Variants in SLC24A2 observed in about 807,000 individuals in gnomAD.
SLC24A2 encodes solute carrier family 24 member 2, also known as sodium/potassium/calcium exchanger 2.
Under a neutral mutation model 62.0 loss-of-function variants are expected in SLC24A2, and 36 were observed. The observed-to-expected ratio is 0.58, with a 90% CI of 0.44 to 0.77. SLC24A2 has a LOEUF of 0.77. Ranked by LOEUF, SLC24A2 falls within the 30% of genes least tolerant of loss-of-function variation. The pLI is 0.00. For missense variants in SLC24A2, 846 were observed against 817.9 expected (o/e 1.03, Z -0.42); for synonymous variants, 358 against 294.0 (o/e 1.22, Z -2.23).
intron 7 of SLC24A2, among the ~76,000 whole-genome samples, chr9:19,563,533 G>A (rs1037814455): frequency 2.6e-5 from 4 of 152,044 alleles, no homozygotes; most frequent in Non-Finnish European, 5.9e-5. Context: ...CCGTATGCTT[G>A]GATAATCTTA....
At chr9:19,550,004 T>C in intron 8 of SLC24A2, 133 bp downstream of exon 8, 1 of 849,668 alleles carries the variant, frequency 1.2e-6, no homozygotes, top group Non-Finnish European at 2.0e-6. Flanking sequence ...GTTGTACCTA[T>C]TTATGGGGTA....
chr9:19,629,623 G>A (rs1818125748), intron 2 of SLC24A2, among the ~76,000 whole-genome samples: 1 of 152,210 alleles, frequency 6.6e-6, no homozygotes, highest in South Asian at 2.1e-4. Flanking sequence ...CATATATCAA[G>A]TTGACTTGTA....
At chr9:19,985,360 A>G in the SLC24A2 span, among the ~76,000 whole-genome samples, 1 of 152,206 alleles carries the variant, frequency 6.6e-6, no homozygotes, top group African/African-American at 2.4e-5. Flanking sequence ...GGGATTGGAT[A>G]AACAAATTAT....
the SLC24A2 span, among the ~76,000 whole-genome samples, chr9:20,215,377 C>G: frequency 6.6e-6 from 1 of 151,780 alleles, no homozygotes; most frequent in Non-Finnish European, 1.5e-5. Context: ...CTCATATTAT[C>G]GAGAACTATG....
At chr9:19,581,356 T>C (rs1836204463) in intron 5 of SLC24A2, among the ~76,000 whole-genome samples, 1 of 152,216 alleles carries the variant, frequency 6.6e-6, no homozygotes, top group East Asian at 1.9e-4. Flanking sequence ...CCTCATCACC[T>C]GCAGGTCCAA....
At chr9:19,935,409 CA>C in the SLC24A2 span, among the ~76,000 whole-genome samples, 1 of 151,624 alleles carries the variant, frequency 6.6e-6, no homozygotes. Flanking sequence ...ACAAACAAAA[CA>C]AAAAAAACCC....
intron 8 of SLC24A2, among the ~76,000 whole-genome samples, chr9:19,545,890 G>A (rs1311237878): frequency 2.0e-5 from 3 of 152,048 alleles, no homozygotes; most frequent in African/African-American, 7.2e-5. Flanking sequence ...GCCCTCCTCG[G>A]CCTCCCAGAG....
At chr9:19,639,114 TCC>T (rs1818429167) in intron 2 of SLC24A2, among the ~76,000 whole-genome samples, 1 of 67,086 alleles carries the variant, frequency 1.5e-5, no homozygotes, top group Non-Finnish European at 3.1e-5. Context: ...AGTGGTTTTT[TCC>T]CCCAACAACA....
chr9:20,132,516 A>G, the SLC24A2 span, among the ~76,000 whole-genome samples: 4 of 152,124 alleles, frequency 2.6e-5, no homozygotes, highest in African/African-American at 9.7e-5. Flanking sequence ...GGGTCACATT[A>G]TAAGTGTTTT....
At chr9:20,078,372 A>G in the SLC24A2 span, among the ~76,000 whole-genome samples, 1 of 144,870 alleles carries the variant, frequency 6.9e-6, no homozygotes, top group African/African-American at 2.6e-5. Context: ...GAATGGCAGC[A>G]TCAGCTGAGA....
chr9:20,276,733 C>T, the SLC24A2 span, among the ~76,000 whole-genome samples: 1 of 152,260 alleles, frequency 6.6e-6, no homozygotes, highest in Non-Finnish European at 1.5e-5. Flanking sequence ...TATTTCCATA[C>T]ATCCTCTGAA....
intron 2 of SLC24A2, among the ~76,000 whole-genome samples, chr9:19,760,754 A>T (rs1188808516): frequency 1.3e-5 from 2 of 151,366 alleles, no homozygotes; most frequent in East Asian, 3.9e-4. Flanking sequence ...CTTTTTTTTA[A>T]TCCAGCCTAA....
the SLC24A2 span, among the ~76,000 whole-genome samples, chr9:20,092,833 C>G: frequency 6.6e-6 from 1 of 152,102 alleles, no homozygotes; most frequent in South Asian, 2.1e-4. Context: ...ATTAGATCCC[C>G]AGAACTTATT....
chr9:19,953,801 T>C, the SLC24A2 span, among the ~76,000 whole-genome samples: 1 of 152,092 alleles, frequency 6.6e-6, no homozygotes, highest in Admixed American at 6.5e-5. Flanking sequence ...TGTTTTACAT[T>C]TATTTTCATG....
At chr9:19,781,401 G>A (rs917287909) in intron 2 of SLC24A2, among the ~76,000 whole-genome samples, 8 of 152,120 alleles carry the variant, frequency 5.3e-5, no homozygotes, top group African/African-American at 1.9e-4. Flanking sequence ...GAGAGATAAT[G>A]GTGACTCCAG....
the SLC24A2 span, among the ~76,000 whole-genome samples, chr9:20,222,836 C>T: frequency 0.46 from 69,436 of 151,774 alleles, 17,596 homozygotes; most frequent in Non-Finnish European, 0.59. Context: ...TCCTTAACAC[C>T]GTAAAACTAC....
chr9:20,192,966 T>C, the SLC24A2 span, among the ~76,000 whole-genome samples: 1 of 152,310 alleles, frequency 6.6e-6, no homozygotes, highest in Admixed American at 6.5e-5. Flanking sequence ...AATTACCCAA[T>C]CTTTTATTTG....
chr9:19,789,989 A>G (rs1388151806), upstream of SLC24A2, among the ~76,000 whole-genome samples: 1 of 152,168 alleles, frequency 6.6e-6, no homozygotes, highest in Non-Finnish European at 1.5e-5. Context: ...ACAGCTCTGT[A>G]GTCAGACCTC....
the SLC24A2 span, among the ~76,000 whole-genome samples, chr9:19,916,987 T>TTG: frequency 2.0e-5 from 3 of 147,164 alleles, no homozygotes; most frequent in Admixed American, 1.4e-4. Flanking sequence ...ACCTGTTTTT[T>TTG]TTTTTTTTTT....
Sources: gnomAD v4.1 joint callset for allele counts (sites outside exome capture counted in the v4.1 genomes callset) on GRCh38, gnomAD v4.1.1 for gene constraint, MANE v1.5 for transcripts, NCBI Gene and HGNC (gene_info 2026-07-23, HGNC 2026-07-21) for gene names.